SNTG1: variants seen among roughly 807,000 people sequenced by gnomAD.
SNTG1 encodes syntrophin gamma 1, also known as gamma-1-syntrophin.
In SNTG1, 39 loss-of-function variants were observed where a neutral mutation model predicts 74.7. That is an observed-to-expected ratio of 0.52 (90% confidence interval 0.40 to 0.68). The LOEUF is 0.68. SNTG1 is among the 30% of genes least tolerant of loss of function. The pLI is 0.00. For missense variants in SNTG1, 685 were observed against 609.5 expected (o/e 1.12, Z -1.30); for synonymous variants, 254 against 217.1 (o/e 1.17, Z -1.49).
intron 2 of SNTG1, among the ~76,000 whole-genome samples, chr8:50,288,624 T>A (rs1435965650): frequency 2.0e-5 from 3 of 152,100 alleles, no homozygotes; most frequent in African/African-American, 7.2e-5. Flanking sequence ...ACATGCAGAC[T>A]CAGAAACATC....
chr8:50,325,205 A>G (rs1028044762), intron 2 of SNTG1, among the ~76,000 whole-genome samples: 4 of 151,530 alleles, frequency 2.6e-5, no homozygotes, highest in African/African-American at 4.8e-5. Context: ...CCCATTGTGT[A>G]TCTTCTGTTT....
At chr8:50,123,882 T>C in intron 1 of SNTG1, among the ~76,000 whole-genome samples, 1 of 141,900 alleles carries the variant, frequency 7.0e-6, no homozygotes, top group East Asian at 2.0e-4. Context: ...GGGCTTGGAG[T>C]CAAACGTAGA....
chr8:50,246,188 GAAATAT>G (rs2086390543), intron 2 of SNTG1, among the ~76,000 whole-genome samples: 1 of 151,220 alleles, frequency 6.6e-6, no homozygotes, highest in South Asian at 2.1e-4. Flanking sequence ...AACTGGAGTA[GAAATAT>G]AACATCCTTA....
chr8:50,692,931 T>C (rs141684179), intron 15 of SNTG1, among the ~76,000 whole-genome samples: 3,814 of 152,304 alleles, frequency 0.025, 64 homozygotes, highest in Middle Eastern at 0.041. Flanking sequence ...TTCATTTACC[T>C]AATCAAACTA....
chr8:50,578,856 A>G (rs4474041), intron 12 of SNTG1, among the ~76,000 whole-genome samples: 5,056 of 152,258 alleles, frequency 0.033, 135 homozygotes, highest in African/African-American at 0.063. Context: ...AGACTTGGGT[A>G]TGTCTTAATT....
intron 1 of SNTG1, among the ~76,000 whole-genome samples, chr8:50,120,793 A>G (rs2080972077): frequency 7.0e-6 from 1 of 142,384 alleles, no homozygotes; most frequent in Non-Finnish European, 1.6e-5. Context: ...TATTTCACTT[A>G]ATCAAAAATT....
intron 17 of SNTG1, among the ~76,000 whole-genome samples, chr8:50,714,710 G>A (rs898564076): frequency 6.6e-6 from 1 of 152,038 alleles, no homozygotes; most frequent in Non-Finnish European, 1.5e-5. Flanking sequence ...GAAAGTTAAC[G>A]TTCCAGGAGG....
At chr8:50,779,738 A>G (rs1241884713) in intron 18 of SNTG1, among the ~76,000 whole-genome samples, 5 of 146,176 alleles carry the variant, frequency 3.4e-5, no homozygotes, top group African/African-American at 1.1e-4. Flanking sequence ...TTCCAACACT[A>G]TGTTGAATAG....
intron 1 of SNTG1, among the ~76,000 whole-genome samples, chr8:50,107,555 T>G (rs2080421254): frequency 7.0e-6 from 1 of 143,124 alleles, no homozygotes; most frequent in Non-Finnish European, 1.6e-5. Flanking sequence ...GAATCAAGGT[T>G]TTTTGTTTTT....
intron 9 of SNTG1, among the ~76,000 whole-genome samples, chr8:50,522,577 C>CTTTTT (rs34011488): frequency 7.9e-6 from 1 of 127,104 alleles, no homozygotes. Context: ...GACTTCCTTC[C>CTTTTT]TTTTTTTTTT....
chr8:50,215,986 G>A (rs763860274), intron 2 of SNTG1, among the ~76,000 whole-genome samples: 1 of 152,104 alleles, frequency 6.6e-6, no homozygotes, highest in African/African-American at 2.4e-5. Context: ...GTAAAATCAA[G>A]GAATTTTTTT....
chr8:50,185,941 T>A (rs1389318617), intron 2 of SNTG1, among the ~76,000 whole-genome samples: 2 of 152,110 alleles, frequency 1.3e-5, no homozygotes, highest in African/African-American at 2.4e-5. Flanking sequence ...TATCAACACG[T>A]CATCTAGGTT....
chr8:50,492,022 G>T (rs1242479659), intron 8 of SNTG1, among the ~76,000 whole-genome samples: 1 of 152,058 alleles, frequency 6.6e-6, no homozygotes, highest in East Asian at 1.9e-4. Flanking sequence ...TGCTGAGAAT[G>T]ATGGTGTCCA....
intron 1 of SNTG1, among the ~76,000 whole-genome samples, chr8:50,068,962 A>G (rs1412970651): frequency 1.3e-5 from 2 of 152,210 alleles, no homozygotes; most frequent in African/African-American, 4.8e-5. Context: ...TCTTCATTGC[A>G]GTACATTGTT....
intron 2 of SNTG1, among the ~76,000 whole-genome samples, chr8:50,262,599 C>A (rs375715822): frequency 4.6e-5 from 7 of 151,968 alleles, no homozygotes; most frequent in African/African-American, 1.7e-4. Flanking sequence ...TTAGTAGAGA[C>A]GGGGTTTCAC....
intron 2 of SNTG1, among the ~76,000 whole-genome samples, chr8:50,252,758 C>A (rs761447059): frequency 1.1e-4 from 17 of 152,132 alleles, no homozygotes; most frequent in Non-Finnish European, 1.2e-4. Context: ...CAAAGGCAGT[C>A]ACAAGGGATT....
At chr8:49,957,490 T>A (rs1242301125) in intron 1 of SNTG1, among the ~76,000 whole-genome samples, 1 of 151,918 alleles carries the variant, frequency 6.6e-6, no homozygotes, top group Non-Finnish European at 1.5e-5. Flanking sequence ...TGTAGGGGGG[T>A]AAGTGTGTCA....
At chr8:50,449,849 G>C (rs1402624270) in intron 6 of SNTG1, 124 bp downstream of exon 6, 8 of 792,932 alleles carry the variant, frequency 1.0e-5, no homozygotes, top group East Asian at 3.0e-5. Context: ...CCACCTTCAG[G>C]CATTAGTGGC....
chr8:50,637,486 CT>C, intron 13 of SNTG1, among the ~76,000 whole-genome samples: 1 of 152,116 alleles, frequency 6.6e-6, no homozygotes, highest in South Asian at 2.1e-4. Context: ...AAAATATAGT[CT>C]TGGTTAAATG....
Sources: allele counts gnomAD v4.1 joint callset (sites outside exome capture counted in the v4.1 genomes callset), GRCh38; gene constraint gnomAD v4.1.1; transcripts MANE v1.5; gene names NCBI Gene and HGNC (gene_info 2026-07-23, HGNC 2026-07-21).